MGST1: variants seen among roughly 807,000 people sequenced by gnomAD.
The protein encoded by MGST1 is glutathione S-transferase 12.
MGST1 carries 5 observed loss-of-function variants against 8.9 expected under a neutral mutation model. That is an observed-to-expected ratio of 0.56 (90% CI 0.29 to 1.19). The LOEUF is 1.19. Ranked by LOEUF, MGST1 falls within the 50% of genes most tolerant of loss-of-function variation. The pLI, the probability that MGST1 is intolerant of heterozygous loss-of-function variation, is 0.08. For missense variants in MGST1, 182 were observed against 187.4 expected (o/e 0.97, Z 0.17); for synonymous variants, 54 against 67.8 (o/e 0.80, Z 1.00).
chr12:16,509,875 G>A (rs964404441), intron 4 of MGST1, among the ~76,000 whole-genome samples: 31 of 152,092 alleles, frequency 2.0e-4, no homozygotes, highest in African/African-American at 7.2e-4. Flanking sequence ...AAACCTGGTC[G>A]CAAGGAGACA....
intron 4 of MGST1, chr12:16,550,772 G>A (rs1273404220): frequency 6.5e-6 from 1 of 153,296 alleles, no homozygotes; most frequent in Non-Finnish European, 1.5e-5. Flanking sequence ...GAAAGTTACA[G>A]CTCATTTAAA....
chr12:16,557,908 A>G (rs1332158464), intron 4 of MGST1, among the ~76,000 whole-genome samples: 2 of 152,026 alleles, frequency 1.3e-5, no homozygotes, highest in African/African-American at 4.8e-5. Context: ...CATTCTTTCT[A>G]CTATTCTACA....
chr12:16,504,901 T>A (rs1941527519), intron 4 of MGST1, among the ~76,000 whole-genome samples: 2 of 152,278 alleles, frequency 1.3e-5, no homozygotes, highest in African/African-American at 4.8e-5. Flanking sequence ...CTTCCTTTTT[T>A]AAAAACAAAC....
chr12:16,443,181 C>T (rs1355872341), downstream of MGST1, among the ~76,000 whole-genome samples: 1 of 151,632 alleles, frequency 6.6e-6, no homozygotes, highest in African/African-American at 2.4e-5. Flanking sequence ...TAGTATCTTT[C>T]TTATGCTAAG....
intron 1 of MGST1, among the ~76,000 whole-genome samples, chr12:16,395,891 A>G (rs997299948): frequency 6.6e-6 from 1 of 151,418 alleles, no homozygotes; most frequent in East Asian, 2.0e-4. Flanking sequence ...TTTGGACTTG[A>G]GAATTGTGCT....
chr12:16,506,162 T>G (rs1941536909), intron 4 of MGST1, among the ~76,000 whole-genome samples: 1 of 152,188 alleles, frequency 6.6e-6, no homozygotes, highest in African/African-American at 2.4e-5. Context: ...GCAGAAGATA[T>G]GAAAGATAAA....
At position 16,513,402 on chromosome 12, in the gene MGST1, T is replaced by A; in HGVS notation, n.483-76126T>A. 2.6e-6 allele frequency: 1 copy of A among 385,450 alleles called. No homozygotes were observed. The allele number at this position is 385,450 out of a possible 1,614,324, so 23.9% of individuals were successfully genotyped here. ...CTCCTACCGTCCACCATGGCTCCTC[T>A]GCGCTCCAGCTGCGTCGTCTCCGGG... On this transcript the variant is annotated intron_variant and non_coding_transcript_variant, in intron 4 of 4. Transcript: ENST00000538857. The surrounding 1 kb of genome is among the most constrained non-coding windows in gnomAD (Gnocchi z 4.2).
At chr12:16,531,180 A>G (rs975048905) in intron 4 of MGST1, among the ~76,000 whole-genome samples, 7 of 148,474 alleles carry the variant, frequency 4.7e-5, no homozygotes, top group Non-Finnish European at 8.9e-5. Flanking sequence ...AAAAAAAAAA[A>G]AAGTAATGAT....
intron 4 of MGST1, among the ~76,000 whole-genome samples, chr12:16,464,646 C>T (rs1941242153): frequency 6.6e-6 from 1 of 152,194 alleles, no homozygotes; most frequent in African/African-American, 2.4e-5. Flanking sequence ...ATTACTGTAA[C>T]CAATAACATC....
intron 1 of MGST1, among the ~76,000 whole-genome samples, chr12:16,388,718 C>A (rs1940525473): frequency 6.6e-6 from 1 of 152,178 alleles, no homozygotes; most frequent in African/African-American, 2.4e-5. Context: ...CTTAGTGGAA[C>A]CCTTCAAGCG....
At chr12:16,358,045 G>C (rs1483656220) in intron 3 of MGST1, among the ~76,000 whole-genome samples, 1 of 152,140 alleles carries the variant, frequency 6.6e-6, no homozygotes, top group Non-Finnish European at 1.5e-5. Context: ...TCATGTAAAA[G>C]GTTGAAGAAT....
intron 4 of MGST1, among the ~76,000 whole-genome samples, chr12:16,488,836 A>AGTG (rs1235093327): frequency 2.0e-5 from 3 of 152,140 alleles, no homozygotes; most frequent in African/African-American, 7.2e-5. Flanking sequence ...GACCAGGCAT[A>AGTG]GTGGTACACA....
chr12:16,579,625 A>T (rs2137523986), intron 4 of MGST1, among the ~76,000 whole-genome samples: 1 of 152,332 alleles, frequency 6.6e-6, no homozygotes, highest in Non-Finnish European at 1.5e-5. Context: ...GGAATCCTTT[A>T]GTTGAAGTCT....
At chr12:16,551,286 A>G in intron 4 of MGST1, 1 of 1,613,118 alleles carries the variant, frequency 6.2e-7, no homozygotes, top group Non-Finnish European at 8.5e-7. Flanking sequence ...CTGGCAAAGG[A>G]TCATGTTATT....
downstream of MGST1, among the ~76,000 whole-genome samples, chr12:16,378,558 T>C (rs1238919573): frequency 1.3e-5 from 2 of 151,892 alleles, no homozygotes; most frequent in Admixed American, 6.6e-5. Context: ...AGCCTTGTAG[T>C]ATAGTTTGAA....
chr12:16,355,489 G>A (rs9332906), intron 2 of MGST1, among the ~76,000 whole-genome samples: 35 of 152,200 alleles, frequency 2.3e-4, no homozygotes, highest in Middle Eastern at 3.4e-3. Context: ...GATTACAGGC[G>A]TGGGCCTGGC....
Position 16,547,391 on chromosome 12 carries a change from G to T in MGST1, n.483-42137G>T, listed in dbSNP as rs2137220836. Among the ~76,000 whole-genome samples the T allele has an allele frequency of 6.6e-6, 1 of 152,258 alleles. No individual in the cohort carries two copies. Among genetic ancestry groups the T allele is most frequent in the East Asian group, 1.9e-4 (1 of 5,180 alleles). On this transcript the variant is annotated intron_variant and non_coding_transcript_variant, in intron 4 of 4. Coordinates refer to the MGST1 transcript ENST00000538857. This position sits in a 1 kb window ranked among gnomAD's most constrained non-coding sequence, Gnocchi z 4.6. ...GTGCTATTGAGTTAATGAGTAATTT[G>T]TGTGCGATAATTCTCTGAACACATT...
Position 16,523,310 on chromosome 12 carries a change from T to C in MGST1, n.483-66218T>C, listed in dbSNP as rs74576370. The stretch of plus-strand genomic sequence containing the variant: ...TAGTTGGATTTTTTTGAGAAAGTCG[T>C]AACATATCTTTGACTCTCAAGTTTT... On this transcript the variant is annotated intron_variant and non_coding_transcript_variant, in intron 4 of 4. Coordinates refer to the MGST1 transcript ENST00000538857. Among the ~76,000 whole-genome samples, 935 of 152,232 alleles carry C rather than the reference T, an allele frequency of 6.1e-3. 20 individuals carry two copies. Among genetic ancestry groups the C allele is most frequent in the African/African-American group, 0.021 (877 of 41,542 alleles).
chr12:16,468,675 A>G (rs1941271079), intron 4 of MGST1, among the ~76,000 whole-genome samples: 1 of 152,248 alleles, frequency 6.6e-6, no homozygotes, highest in South Asian at 2.1e-4. Context: ...AGTGCTATAT[A>G]CAAAGTAGGC....
Sources: gnomAD v4.1 joint callset for allele counts (sites outside exome capture counted in the v4.1 genomes callset) on GRCh38, gnomAD v4.1.1 for gene constraint, Gnocchi (gnomAD v3.1) non-coding constraint, MANE v1.5 for transcripts, NCBI Gene and HGNC (gene_info 2026-07-23, HGNC 2026-07-21) for gene names.